The following CD44 variants were observed in gnomAD, a reference collection of about 807,000 sequenced individuals.
The protein encoded by CD44 is CD44 antigen.
Under a neutral mutation model 88.8 loss-of-function variants are expected in CD44, and 49 were observed. The ratio of observed to expected loss-of-function variants is 0.55; its 90% CI spans 0.44 to 0.70. The LOEUF is 0.70. Ranked by LOEUF, CD44 falls within the 30% of genes least tolerant of loss-of-function variation. The probability of loss-of-function intolerance (pLI) is 0.00; values close to 1 mark genes in which losing one functional copy is unlikely to be tolerated. For synonymous variants in CD44, 325 were observed against 312.3 expected (o/e 1.04, Z -0.43); for missense variants, 883 against 913.8 (o/e 0.97, Z 0.43).
intron 2 of CD44, among the ~76,000 whole-genome samples, 198 bp from the exon 3 acceptor site, chr11:35,180,076 T>A (rs1354440523): frequency 6.6e-6 from 1 of 152,172 alleles, no homozygotes; most frequent in Non-Finnish European, 1.5e-5. Context: ...ATCACTTTGT[T>A]TCTATCAGTC....
At chr11:35,169,732 C>T (rs1247153393) in intron 1 of CD44, among the ~76,000 whole-genome samples, 1 of 152,204 alleles carries the variant, frequency 6.6e-6, no homozygotes, top group Non-Finnish European at 1.5e-5. Context: ...TTGAAATGTG[C>T]TCGGACAATT....
chr11:35,142,946 T>G (rs959838525), intron 1 of CD44, among the ~76,000 whole-genome samples: 5 of 152,066 alleles, frequency 3.3e-5, no homozygotes, highest in African/African-American at 1.2e-4. Context: ...TGCGACTTGT[T>G]AAGATATTAG....
intron 6 of CD44, 153 bp downstream of exon 6, chr11:35,197,027 T>G: frequency 1.4e-6 from 1 of 690,100 alleles, no homozygotes; most frequent in Non-Finnish European, 2.4e-6. Context: ...TGGTATCTGT[T>G]TGTTTGCTTG....
chr11:35,144,971 C>A (rs560880123), intron 1 of CD44, among the ~76,000 whole-genome samples: 24 of 152,138 alleles, frequency 1.6e-4, no homozygotes, highest in Non-Finnish European at 2.8e-4. Flanking sequence ...CTCAATTGCC[C>A]CACTGGGTGA....
At chr11:35,172,460 T>C (rs1325884617) in intron 1 of CD44, among the ~76,000 whole-genome samples, 6 of 152,214 alleles carry the variant, frequency 3.9e-5, no homozygotes, top group Non-Finnish European at 8.8e-5. Context: ...ATGTCTATGA[T>C]GCTGGCCATT....
chr11:35,198,088 C>T, intron 6 of CD44, 33 bp from the exon 7 acceptor site: 1 of 1,600,656 alleles, frequency 6.2e-7, no homozygotes, highest in Non-Finnish European at 8.5e-7. Flanking sequence ...GCTTGGCGTC[C>T]AGCTCAGCCA....
At chr11:35,208,517 T>C (rs1012968156) in intron 12 of CD44, among the ~76,000 whole-genome samples, 4 of 152,214 alleles carry the variant, frequency 2.6e-5, no homozygotes, top group African/African-American at 9.7e-5. Flanking sequence ...AGGATAGTGA[T>C]TTCTCTATGT....
rs1327756526 is a variant in CD44, at chr11:35,231,703, C to G, written c.*2370C>G. On this transcript the variant is annotated 3_prime_UTR_variant, in exon 18 of 18. Coordinates refer to ENST00000428726, the MANE Select transcript of CD44 (RefSeq NM_000610.4). ...CTCCCTTGATCTCAAGGGCGTAACT[C>G]TGGAAGCACAGCTTGACTACACGTC... The G allele has an allele frequency of 6.6e-6, 1 of 152,166 alleles. No individual in the cohort carries two copies. The highest frequency in any genetic ancestry group is 1.9e-4 in the East Asian group (1 of 5,198). 9.4% of individuals were successfully genotyped at this position (152,166 alleles called of 1,614,324 possible). A position where few individuals can be genotyped will look rare whatever the true frequency, so the allele number is the denominator to read the frequency against.
chr11:35,220,644 T>C (rs1296046147), intron 16 of CD44, among the ~76,000 whole-genome samples: 2 of 152,014 alleles, frequency 1.3e-5, no homozygotes, highest in Admixed American at 6.6e-5. Context: ...AATCCACAAG[T>C]GATATATAAT....
At chr11:35,203,657 A>G (rs918995046) in intron 9 of CD44, among the ~76,000 whole-genome samples, 3 of 152,154 alleles carry the variant, frequency 2.0e-5, no homozygotes, top group African/African-American at 7.2e-5. Context: ...ACAAGTTGCA[A>G]AAAAGTACTC....
At chr11:35,177,796 A>G (rs746042857) in intron 2 of CD44, among the ~76,000 whole-genome samples, 1 of 152,246 alleles carries the variant, frequency 6.6e-6, no homozygotes, top group Non-Finnish European at 1.5e-5. Context: ...CACTAACCAC[A>G]TGTGGTGACT....
At chr11:35,206,267 A>G (rs745674722) in intron 11 of CD44, 24 bp downstream of exon 11, 5 of 1,574,938 alleles carry the variant, frequency 3.2e-6, no homozygotes, top group Non-Finnish European at 4.3e-6. Flanking sequence ...AGATTTTTAT[A>G]TATTATGTTT....
In CD44 at chr11:35,192,794, T is replaced by C. The variant is rs78972867; in HGVS notation, c.667+2729T>C. On this transcript the variant is annotated intron_variant, in intron 5 of 17. Transcript: ENST00000428726. ...TGGGTGTCAAAGGAATTCTTTCTTT[T>C]TTTTTTTTTTTTTTTTCAGATCTGG... Among the ~76,000 whole-genome samples the C allele has an allele frequency of 3.7e-4, 55 of 148,214 alleles. No homozygotes were observed. In the South Asian group the frequency reaches 4.9e-3, roughly 13 times the overall value.
At chr11:35,157,547 T>G (rs1380058305) in intron 1 of CD44, among the ~76,000 whole-genome samples, 3 of 152,208 alleles carry the variant, frequency 2.0e-5, no homozygotes, top group African/African-American at 7.2e-5. Context: ...ATCTATCATC[T>G]TTTAACCTAT....
At chr11:35,193,982 C>G (rs1305352550) in intron 5 of CD44, among the ~76,000 whole-genome samples, 1 of 152,168 alleles carries the variant, frequency 6.6e-6, no homozygotes, top group Non-Finnish European at 1.5e-5. Flanking sequence ...TCACAAACTA[C>G]CTGGGTACAA....
At position 35,201,744 on chromosome 11, in the gene CD44, T is replaced by A. The variant is rs748686672; in HGVS notation, c.1110T>A (p.His370Gln). 3.7e-6 allele frequency: 6 copies of A among 1,613,724 alleles called. No individual in the cohort carries two copies. Among genetic ancestry groups the A allele is most frequent in the Non-Finnish European group, 5.1e-6 (6 of 1,179,678 alleles). The stretch of plus-strand genomic sequence containing the variant: ...AAGCACACCCTCCCCTCATTCACCA[T>A]GAGCATCATGAGGAAGAAGAGACCC... ...NPEAHPPLIH[H>Q]EHHEEEETPH... is the part of the protein sequence containing the mutation. The change falls in exon 9 of 18, where the codon CAT becomes CAA. Residue 370 changes from histidine (H) to glutamine (Q), a missense_variant. His to Gln is a conservative substitution (Grantham distance 24). Transcript: ENST00000428726.
intron 5 of CD44, 155 bp downstream of exon 5, chr11:35,190,220 C>T (rs529651705): frequency 1.5e-6 from 1 of 650,514 alleles, no homozygotes; most frequent in African/African-American, 1.8e-5. Context: ...TTGTGGTTGT[C>T]AGTAAACTGC....
Position 35,230,248 on chromosome 11 carries a change from G to C in CD44, c.*915G>C, listed in dbSNP as rs1949996074. Reference sequence around the variant, plus strand: ...TTTTTTTTTTTTGACACTGTCCAAAGGTTTTCCATCCTGTCCTGGAATCAG... The same window carrying C: ...TTTTTTTTTTTTGACACTGTCCAAACGTTTTCCATCCTGTCCTGGAATCAG... On this transcript the variant is annotated 3_prime_UTR_variant, in exon 18 of 18. Transcript: ENST00000428726. The C allele has an allele frequency of 6.6e-6, 1 of 150,728 alleles. No homozygotes were observed. The highest frequency in any genetic ancestry group is 1.5e-5 in the Non-Finnish European group (1 of 67,882). 9.3% of individuals were successfully genotyped at this position (150,728 alleles called of 1,614,324 possible).
At chr11:35,192,790 C>CTTTTTTTTTTTTT (rs35505196) in intron 5 of CD44, among the ~76,000 whole-genome samples, 2 of 109,576 alleles carry the variant, frequency 1.8e-5, no homozygotes, top group African/African-American at 3.7e-5. Context: ...GGAATTCTTT[C>CTTTTTTTTTTTTT]TTTTTTTTTT....
Sources: allele counts gnomAD v4.1 joint callset (sites outside exome capture counted in the v4.1 genomes callset), GRCh38; gene constraint gnomAD v4.1.1; transcripts MANE v1.5; gene names NCBI Gene and HGNC (gene_info 2026-07-23, HGNC 2026-07-21).